Variants in NEGR1 observed in about 807,000 individuals in gnomAD.
NEGR1 encodes the protein IgLON family member 4.
NEGR1 carries 10 observed loss-of-function variants against 40.9 expected under a neutral mutation model. That is an observed-to-expected ratio of 0.24 (90% CI 0.15 to 0.42). The LOEUF (loss-of-function observed/expected upper bound fraction) is 0.42, where lower values mean the gene tolerates loss of function less well. Ranked by LOEUF, NEGR1 falls within the 10% of genes least tolerant of loss-of-function variation. The pLI, the probability that NEGR1 is intolerant of heterozygous loss-of-function variation, is 1.00. For missense variants in NEGR1, 352 were observed against 438.9 expected, an observed-to-expected ratio of 0.80 and a Z score of 1.77; for synonymous variants, 185 against 166.8, an observed-to-expected ratio of 1.11 and a Z score of -0.84.
chr1:71,837,393 C>T (rs542086665), intron 2 of NEGR1, among the ~76,000 whole-genome samples: 31 of 152,116 alleles, frequency 2.0e-4, no homozygotes, highest in Middle Eastern at 3.4e-3. Context: ...AAATATAGAT[C>T]CCTCTCATTC....
At chr1:72,282,255 A>T in intron 1 of NEGR1, 64 bp downstream of exon 1, 4 of 1,573,354 alleles carry the variant, frequency 2.5e-6, no homozygotes, top group Middle Eastern at 1.7e-4. Context: ...GAAGGCAAAG[A>T]GGGTTCAAAG....
intron 5 of NEGR1, among the ~76,000 whole-genome samples, chr1:71,597,472 C>CTCTCTCTCTCTCTGTGTGTG (rs756076229): frequency 3.2e-5 from 1 of 31,334 alleles, no homozygotes; most frequent in African/African-American, 1.0e-4. Flanking sequence ...CTCTCTCTCT[C>CTCTCTCTCTCTCTGTGTGTG]TGTGTGTGTG....
intron 4 of NEGR1, among the ~76,000 whole-genome samples, chr1:71,618,849 T>C (rs963896080): frequency 2.0e-5 from 3 of 152,142 alleles, no homozygotes; most frequent in African/African-American, 7.2e-5. Flanking sequence ...CAGCGTTCTA[T>C]AAGGTTTTAT....
chr1:71,675,126 T>TATATATATATATATATATATACAC (rs145354058), intron 4 of NEGR1, among the ~76,000 whole-genome samples: 3,353 of 77,482 alleles, frequency 0.043, 201 homozygotes, highest in Non-Finnish European at 0.05. Flanking sequence ...TATATATATA[T>TATATATATATATATATATATACAC]ACACACACAC....
intron 4 of NEGR1, among the ~76,000 whole-genome samples, chr1:71,628,395 C>G (rs1049427398): frequency 6.6e-6 from 1 of 151,912 alleles, no homozygotes; most frequent in African/African-American, 2.4e-5. Context: ...GTTTTATGAT[C>G]TTGTTATAAT....
At chr1:71,526,089 T>A (rs1647212816) in intron 6 of NEGR1, among the ~76,000 whole-genome samples, 1 of 151,590 alleles carries the variant, frequency 6.6e-6, no homozygotes, top group South Asian at 2.1e-4. Flanking sequence ...ATAATGAGCA[T>A]CATATTCTAA....
intron 6 of NEGR1, among the ~76,000 whole-genome samples, chr1:71,437,370 C>G (rs1177146714): frequency 2.0e-5 from 3 of 152,006 alleles, no homozygotes; most frequent in Non-Finnish European, 4.4e-5. Flanking sequence ...TATGAATTTA[C>G]TAGAAACCAT....
chr1:71,718,313 C>T (rs1464602875), intron 3 of NEGR1, among the ~76,000 whole-genome samples: 1 of 152,016 alleles, frequency 6.6e-6, no homozygotes, highest in East Asian at 1.9e-4. Flanking sequence ...TGCACCTCTC[C>T]CTGCCCCCAC....
chr1:71,450,494 A>G, intron 6 of NEGR1, among the ~76,000 whole-genome samples: 1 of 152,150 alleles, frequency 6.6e-6, no homozygotes, highest in Non-Finnish European at 1.5e-5. Flanking sequence ...AATAGTGGTT[A>G]TCTTTGGATG....
At chr1:71,943,085 TAC>T (rs1165037177) in intron 1 of NEGR1, among the ~76,000 whole-genome samples, 12 of 146,506 alleles carry the variant, frequency 8.2e-5, no homozygotes, top group African/African-American at 1.7e-4. Context: ...TGTATATATA[TAC>T]ACACATACAT....
intron 4 of NEGR1, among the ~76,000 whole-genome samples, chr1:71,628,514 G>A (rs544276566): frequency 1.1e-4 from 17 of 151,918 alleles, no homozygotes; most frequent in Non-Finnish European, 2.1e-4. Flanking sequence ...TGCTGCACCC[G>A]TCAACCCATC....
At chr1:72,038,610 T>C (rs1646925613) in intron 1 of NEGR1, among the ~76,000 whole-genome samples, 1 of 152,022 alleles carries the variant, frequency 6.6e-6, no homozygotes, top group South Asian at 2.1e-4. Flanking sequence ...AAAGAGATCA[T>C]TTCTGTCTTC....
intron 1 of NEGR1, among the ~76,000 whole-genome samples, chr1:72,080,043 A>G (rs1231839408): frequency 6.6e-6 from 1 of 152,100 alleles, no homozygotes; most frequent in African/African-American, 2.4e-5. Context: ...CCCTTGAAAT[A>G]CTTTATTTAG....
At chr1:71,916,574 A>G (rs979857537) in intron 2 of NEGR1, among the ~76,000 whole-genome samples, 1 of 152,036 alleles carries the variant, frequency 6.6e-6, no homozygotes, top group South Asian at 2.1e-4. Flanking sequence ...CCAACATGGT[A>G]AAACACCGTC....
chr1:72,188,523 A>C (rs1237305654), intron 1 of NEGR1, among the ~76,000 whole-genome samples: 5 of 151,520 alleles, frequency 3.3e-5, no homozygotes, highest in African/African-American at 1.2e-4. Context: ...GTTTGATTTA[A>C]AATCAACACT....
intron 3 of NEGR1, among the ~76,000 whole-genome samples, chr1:71,757,405 AGCCCTCT>A (rs1041867307): frequency 6.6e-6 from 1 of 152,096 alleles, no homozygotes; most frequent in African/African-American, 2.4e-5. Context: ...CATCATTAAC[AGCCCTCT>A]GGTCCTAGTA....
intron 1 of NEGR1, among the ~76,000 whole-genome samples, chr1:72,267,848 T>C (rs113193034): frequency 2.0e-3 from 306 of 151,418 alleles, no homozygotes; most frequent in African/African-American, 6.8e-3. Context: ...AAGATTATGA[T>C]GCTAACAGAA....
chr1:71,846,713 C>G (rs1659426352), intron 2 of NEGR1, among the ~76,000 whole-genome samples: 1 of 152,132 alleles, frequency 6.6e-6, no homozygotes, highest in African/African-American at 2.4e-5. Context: ...AATGCAAGAT[C>G]AAAGTGGCAG....
At chr1:71,988,880 C>T (rs944090138) in intron 1 of NEGR1, among the ~76,000 whole-genome samples, 4 of 139,918 alleles carry the variant, frequency 2.9e-5, no homozygotes, top group Non-Finnish European at 6.0e-5. Context: ...ACCACATATC[C>T]ATGCCATGAT....
Sources: allele counts gnomAD v4.1 joint callset (sites outside exome capture counted in the v4.1 genomes callset), GRCh38; gene constraint gnomAD v4.1.1; transcripts MANE v1.5; gene names NCBI Gene and HGNC (gene_info 2026-07-23, HGNC 2026-07-21).